ZCWPW2: variants seen among roughly 807,000 people sequenced by gnomAD.
ZCWPW2 encodes zinc finger CW-type and PWWP domain containing 2, also known as zinc finger CW-type PWWP domain protein 2.
ZCWPW2 carries 45 observed loss-of-function variants against 46.6 expected under a neutral mutation model. The observed-to-expected ratio is 0.96, with a 90% CI of 0.76 to 1.24. The LOEUF is 1.24. Among genes scored for constraint, ZCWPW2 ranks in the 50% most tolerant of loss-of-function variants. The pLI, the probability that ZCWPW2 is intolerant of heterozygous loss-of-function variation, is 0.00. For synonymous variants in ZCWPW2, 152 were observed against 137.1 expected, an observed-to-expected ratio of 1.11 and a Z score of -0.76; for missense variants, 429 against 403.9, an observed-to-expected ratio of 1.06 and a Z score of -0.53.
At chr3:28,512,185 TTTTCTTTCTTGAGAC>T (rs908438331) in intron 6 of ZCWPW2, among the ~76,000 whole-genome samples, 2 of 152,006 alleles carry the variant, frequency 1.3e-5, no homozygotes, top group African/African-American at 4.8e-5. Flanking sequence ...CTTTTTTTTT[TTTTCTTTCTTGAGAC>T]AGAATCTTGC....
intron 1 of ZCWPW2, among the ~76,000 whole-genome samples, chr3:28,365,094 G>C (rs1705079047): frequency 6.6e-6 from 1 of 151,462 alleles, no homozygotes; most frequent in South Asian, 2.1e-4. Flanking sequence ...CCATTCTGTA[G>C]GTTGCCTGTT....
At chr3:28,437,549 T>C (rs1697550109) in intron 4 of ZCWPW2, among the ~76,000 whole-genome samples, 1 of 152,212 alleles carries the variant, frequency 6.6e-6, no homozygotes, top group Admixed American at 6.5e-5. Context: ...AATAGGTGCA[T>C]GGTTGCCTTA....
chr3:28,456,931 TC>T (rs1698446862), intron 4 of ZCWPW2, among the ~76,000 whole-genome samples: 1 of 152,178 alleles, frequency 6.6e-6, no homozygotes, highest in African/African-American at 2.4e-5. Context: ...CCTGAAGTTT[TC>T]TTTTTTTGTT....
chr3:28,462,588 A>C (rs961535714), intron 4 of ZCWPW2, among the ~76,000 whole-genome samples: 1 of 152,216 alleles, frequency 6.6e-6, no homozygotes, highest in Non-Finnish European at 1.5e-5. Flanking sequence ...GATTTTGCAA[A>C]TATGAGGTAA....
At chr3:28,360,349 C>CAAAAAAAAA (rs71087692) in intron 1 of ZCWPW2, among the ~76,000 whole-genome samples, 1,887 of 52,224 alleles carry the variant, frequency 0.036, no homozygotes, top group Non-Finnish European at 0.043. Context: ...ACTAAAAATA[C>CAAAAAAAAA]AAAAAAAAAA....
chr3:28,466,553 C>T (rs1208269603), intron 4 of ZCWPW2, among the ~76,000 whole-genome samples: 1 of 152,148 alleles, frequency 6.6e-6, no homozygotes, highest in Non-Finnish European at 1.5e-5. Flanking sequence ...AATCCCAGCA[C>T]TTTGGGAGGC....
chr3:28,417,623 A>C (rs1696655598), intron 3 of ZCWPW2, among the ~76,000 whole-genome samples: 1 of 144,416 alleles, frequency 6.9e-6, no homozygotes. Context: ...TCAATAAAAT[A>C]CTGGCAAACC....
At position 28,405,602 on chromosome 3, in the gene ZCWPW2, A is replaced by G. The variant is rs183744043; in HGVS notation, c.-13-7454A>G. Among the ~76,000 whole-genome samples, 387 of 152,130 alleles carry G rather than the reference A, an allele frequency of 2.5e-3. 1 individual carries two copies. Among genetic ancestry groups the G allele is most frequent in the African/African-American group, 8.4e-3 (350 of 41,506 alleles). On this transcript the variant is annotated intron_variant, in intron 2 of 9. Coordinates refer to ENST00000383768, the MANE Select transcript of ZCWPW2 (RefSeq NM_001040432.4). ...GTGATTCTCCTGCCTCAGCCTCCCAAGTAGCCAGGATTACAGGCACCCACC... is the reference window on the plus strand; with the variant it reads ...GTGATTCTCCTGCCTCAGCCTCCCAGGTAGCCAGGATTACAGGCACCCACC...
chr3:28,462,230 G>A (rs150686620), intron 4 of ZCWPW2, among the ~76,000 whole-genome samples: 39 of 152,318 alleles, frequency 2.6e-4, no homozygotes, highest in Admixed American at 5.9e-4. Context: ...ACAGAAGTCT[G>A]TCAGTGCCCT....
intron 9 of ZCWPW2, among the ~76,000 whole-genome samples, chr3:28,521,703 C>A (rs1700728253): frequency 1.3e-5 from 2 of 152,124 alleles, no homozygotes; most frequent in Admixed American, 1.3e-4. Flanking sequence ...GTTTGTGATA[C>A]AAGGCTCATG....
intron 3 of ZCWPW2, among the ~76,000 whole-genome samples, chr3:28,429,163 G>A (rs1359345477): frequency 6.6e-6 from 1 of 152,202 alleles, no homozygotes; most frequent in Non-Finnish European, 1.5e-5. Context: ...GAATGACTTT[G>A]ACCAAAATGC....
Position 28,457,917 on chromosome 3 carries a change from G to A in ZCWPW2, c.493-20897G>A, listed in dbSNP as rs1698483191. On this transcript the variant is annotated intron_variant, in intron 4 of 9. Transcript: ENST00000383768. ...TTTACCATCTTAATCATTTTTAAAT[G>A]TACAGTTCATTGGTGATTTAAGTTT... Among the ~76,000 whole-genome samples, 4 of 152,094 alleles carry A rather than the reference G, an allele frequency of 2.6e-5. No individual in the cohort carries two copies. The South Asian group carries it at 8.3e-4, about 32-fold the overall frequency.
rs753704201 is a variant in ZCWPW2 at position 28,524,591 on chromosome 3, A to G, written c.974A>G (p.Tyr325Cys). The G allele has an allele frequency of 4.3e-6, 7 of 1,610,034 alleles. No homozygotes were observed. In the South Asian group the frequency reaches 7.8e-5, roughly 18 times the overall value. Reference sequence around the variant, plus strand: ...TTTGAAAACCACTATGAAGAGGACTATCTTGTAATTGATGGGATAAAATTA... The same window carrying G: ...TTTGAAAACCACTATGAAGAGGACTGTCTTGTAATTGATGGGATAAAATTA... ...SLFENHYEED[Y>C]LVIDGIKLKA... The change falls in exon 10 of 10, where the codon TAT becomes TGT. Residue 325 changes from tyrosine (Y) to cysteine (C), a missense_variant. Transcript: ENST00000383768.
chr3:28,390,264 C>T (rs1695433760), intron 1 of ZCWPW2, among the ~76,000 whole-genome samples: 1 of 152,132 alleles, frequency 6.6e-6, no homozygotes. Flanking sequence ...TTTATTATTA[C>T]TTAACCATAA....
chr3:28,495,199 C>T (rs1437712689), intron 6 of ZCWPW2, among the ~76,000 whole-genome samples: 1 of 152,024 alleles, frequency 6.6e-6, no homozygotes, highest in Admixed American at 6.6e-5. Context: ...CTACAGTAAC[C>T]AAAACAGCAG....
Position 28,430,379 on chromosome 3 carries a change from A to G in ZCWPW2, c.333-4731A>G, listed in dbSNP as rs147016972. On this transcript the variant is annotated intron_variant, in intron 3 of 9. Coordinates refer to ENST00000383768, the MANE Select transcript of ZCWPW2 (RefSeq NM_001040432.4). Reference sequence around the variant, plus strand: ...TTTGGCCAATTTCTTATTTGGAATGAGTGTATTTACACAATGCCTTGTACT... The same window carrying G: ...TTTGGCCAATTTCTTATTTGGAATGGGTGTATTTACACAATGCCTTGTACT... Among the ~76,000 whole-genome samples, 387 of 152,344 alleles carry G rather than the reference A, an allele frequency of 2.5e-3. 1 individual carries two copies. Among genetic ancestry groups the G allele is most frequent in the African/African-American group, 8.4e-3 (351 of 41,576 alleles).
At chr3:28,404,360 CA>C (rs1478393082) in intron 2 of ZCWPW2, among the ~76,000 whole-genome samples, 4 of 151,946 alleles carry the variant, frequency 2.6e-5, no homozygotes. Flanking sequence ...TGGCCATAAT[CA>C]AAAAATCAAA....
chr3:28,364,232 T>A (rs1047865530), intron 1 of ZCWPW2, among the ~76,000 whole-genome samples: 1 of 152,212 alleles, frequency 6.6e-6, no homozygotes, highest in African/African-American at 2.4e-5. Context: ...ATCTATTATG[T>A]ATGACCCAGC....
At chr3:28,481,931 C>T (rs542023235) in intron 5 of ZCWPW2, among the ~76,000 whole-genome samples, 3 of 152,214 alleles carry the variant, frequency 2.0e-5, no homozygotes, top group South Asian at 2.1e-4. Context: ...ACAACCTCCC[C>T]GACTGTCAAC....
Sources: gnomAD v4.1 joint callset for allele counts (sites outside exome capture counted in the v4.1 genomes callset) on GRCh38, gnomAD v4.1.1 for gene constraint, MANE v1.5 for transcripts, NCBI Gene and HGNC (gene_info 2026-07-23, HGNC 2026-07-21) for gene names.